The following PCM1 variants were observed in gnomAD, a reference collection of about 807,000 sequenced individuals.
The protein encoded by PCM1 is pericentriolar material 1 protein.
In PCM1, 157 loss-of-function variants were observed where a neutral mutation model predicts 241.9. The ratio of observed to expected loss-of-function variants is 0.65; its 90% CI spans 0.57 to 0.74. PCM1 has a LOEUF of 0.74. Ranked by LOEUF, PCM1 falls within the 30% of genes least tolerant of loss-of-function variation. PCM1 has a pLI of 0.00. For synonymous variants in PCM1, 1,085 were observed against 784.9 expected (o/e 1.38, Z -6.39); for missense variants, 3,478 against 2,360.1 (o/e 1.47, Z -9.81).
At position 17,993,559 on chromosome 8, in the gene PCM1, T is replaced by G. The variant is rs2085536846; in HGVS notation, c.4767T>G (p.Asp1589Glu). The G allele has an allele frequency of 6.3e-7, 1 of 1,598,296 alleles. No homozygotes were observed. The highest frequency in any genetic ancestry group is 8.5e-7 in the Non-Finnish European group (1 of 1,171,226). Residue 1589 changes from aspartate (D) to glutamate (E), a missense_variant, in exon 29 of 39, where the codon GAT (aspartate) becomes GAG (glutamate). Transcript: ENST00000325083. ...CTACCATCCCATGTCCTAGAATTGA[T>G]ACTCAGCAGCTGGACCGGCAAATTA... is the stretch of plus-strand genomic sequence containing the variant. ...EVSTIPCPRI[D>E]TQQLDRQIKA...
In PCM1 at chr8:17,993,645, C is replaced by T. The variant is rs201622305; in HGVS notation, c.4827+26C>T. On this transcript the variant is annotated intron_variant, in intron 29 of 38. Transcript: ENST00000325083. ...GTAAGCAATTATTTTAAAAAATAAA[C>T]GAAACCTTCTATGTTTTGTTTTTTA... 397 of 1,543,300 alleles carry T rather than the reference C, an allele frequency of 2.6e-4. 1 individual carries two copies. Among genetic ancestry groups the T allele is most frequent in the Middle Eastern group, 3.4e-4 (2 of 5,910 alleles).
chr8:18,006,335 C>A lies in PCM1; in HGVS notation c.4900C>A (p.Gln1634Lys). 1 of 1,612,794 alleles carries A rather than the reference C, an allele frequency of 6.2e-7. No individual in the cohort carries two copies. Among genetic ancestry groups the A allele is most frequent in the Non-Finnish European group, 8.5e-7 (1 of 1,179,074 alleles). ...VRRMVLTLTQQNDESKEFVKF... is the reference protein window; with the variant it reads ...VRRMVLTLTQKNDESKEFVKF... The stretch of plus-strand genomic sequence containing the variant: ...GCGCATGGTTTTGACCCTTACCCAG[C>A]AAAATGATGAGAGCAAAGAGTTTGT... The change falls in exon 30 of 39, where the codon CAA (glutamine) becomes AAA (lysine). Residue 1634 changes from glutamine to lysine, a missense_variant. Coordinates refer to ENST00000325083, the MANE Select transcript of PCM1 (RefSeq NM_006197.4).
intron 36 of PCM1, among the ~76,000 whole-genome samples, chr8:18,022,492 T>C (rs1481090487): frequency 1.3e-5 from 2 of 152,190 alleles, no homozygotes; most frequent in Non-Finnish European, 1.5e-5. Context: ...CACACACACT[T>C]GGGTGAGCAA....
chr8:17,974,343 T>A (rs1371692448), intron 23 of PCM1, among the ~76,000 whole-genome samples: 3 of 152,182 alleles, frequency 2.0e-5, no homozygotes, highest in Non-Finnish European at 4.4e-5. Context: ...ATGCTCTTTG[T>A]CATATAAATA....
intron 6 of PCM1, among the ~76,000 whole-genome samples, chr8:17,943,722 A>G (rs772613706): frequency 6.6e-6 from 1 of 152,020 alleles, no homozygotes; most frequent in Admixed American, 6.5e-5. Context: ...TAATTTCTTC[A>G]GGGGAAAAAA....
chr8:18,018,893 C>A (rs202053200), intron 36 of PCM1, among the ~76,000 whole-genome samples: 3 of 120,230 alleles, frequency 2.5e-5, no homozygotes, highest in Admixed American at 8.5e-5. Flanking sequence ...CACACATATA[C>A]ATACACATAT....
chr8:17,990,026 G>C, intron 27 of PCM1, 47 bp downstream of exon 27: 1 of 1,436,750 alleles, frequency 7.0e-7, no homozygotes, highest in African/African-American at 1.4e-5. Flanking sequence ...AAGTTGATCT[G>C]GTCCAGTCTT....
chr8:17,994,608 A>C (rs1004981360), intron 29 of PCM1, among the ~76,000 whole-genome samples: 1 of 152,202 alleles, frequency 6.6e-6, no homozygotes, highest in South Asian at 2.1e-4. Context: ...TTTTTGAGCA[A>C]CTTCCAAACT....
chr8:18,006,434 CTG>C, intron 30 of PCM1, 37 bp downstream of exon 30: 2 of 1,498,636 alleles, frequency 1.3e-6, no homozygotes, highest in Non-Finnish European at 1.8e-6. Context: ...CCAATATGTA[CTG>C]TGTGGTAAGG....
intron 9 of PCM1, among the ~76,000 whole-genome samples, chr8:17,954,487 C>T (rs1465815689): frequency 6.6e-6 from 1 of 151,846 alleles, no homozygotes; most frequent in Non-Finnish European, 1.5e-5. Context: ...CGCTTAAGTC[C>T]TTGTCGTCAG....
chr8:17,980,228 A>G (rs1186174582), intron 23 of PCM1: 2 of 160,542 alleles, frequency 1.2e-5, no homozygotes, highest in Non-Finnish European at 2.7e-5. Context: ...CTCTCCCTCT[A>G]TAATGGATAT....
Position 18,025,380 on chromosome 8 carries a change from T to C in PCM1, c.5861T>C (p.Ile1954Thr), listed in dbSNP as rs1344291773. ...TTACAGGAAGCAGAATCTGGTAATA[T>C]AAGTCAAAAGTCTGATGAAGAAGAT... ...VNDYEAESGN[I>T]SQKSDEEDFV... Residue 1954 changes from isoleucine (I) to threonine (T), a missense_variant, in exon 37 of 39, where the codon ATA becomes ACA. Physicochemically the swap from Ile to Thr is moderately conservative, Grantham distance 89. Transcript: ENST00000325083. 5 of 1,595,156 alleles carry C rather than the reference T, an allele frequency of 3.1e-6. No homozygotes were observed. The East Asian group carries it at 9.0e-5, about 29-fold the overall frequency.
At chr8:17,927,891 A>G (rs901910312) in intron 2 of PCM1, 12 of 151,198 alleles carry the variant, frequency 7.9e-5, no homozygotes, top group African/African-American at 2.9e-4. Flanking sequence ...AAAGTCATTG[A>G]AAGTAGCTTA....
chr8:18,013,332 C>G (rs1405812870), intron 34 of PCM1, among the ~76,000 whole-genome samples: 4 of 152,192 alleles, frequency 2.6e-5, no homozygotes, highest in African/African-American at 9.6e-5. Flanking sequence ...CCCACAATTA[C>G]TTCTACACCA....
rs371562773 is a variant in PCM1 at position 17,966,464 on chromosome 8, A to T, written c.3212A>T (p.Asn1071Ile). ...ACTCAGCTAACATGGCAACAGAATA[A>T]TGTTCAGAGGTAATCTGTTTCTTAG... ...CYTQLTWQQN[N>I]VQRLKQMLNE... is the part of the protein sequence containing the mutation. The change falls in exon 20 of 39, where the codon AAT becomes ATT. Residue 1071 changes from asparagine (N) to isoleucine (I), a missense_variant. Asn to Ile is a moderately radical substitution (Grantham distance 149). Coordinates refer to ENST00000325083, the MANE Select transcript of PCM1 (RefSeq NM_006197.4). 119 of 1,613,454 alleles carry T rather than the reference A, an allele frequency of 7.4e-5. No individual in the cohort carries two copies. Among genetic ancestry groups the T allele is most frequent in the Non-Finnish European group, 9.6e-5 (113 of 1,179,622 alleles).
chr8:17,994,338 T>C (rs1018175816), intron 29 of PCM1, among the ~76,000 whole-genome samples: 2 of 152,202 alleles, frequency 1.3e-5, no homozygotes, highest in Admixed American at 6.5e-5. Flanking sequence ...TCCAGTTCCA[T>C]CCATGTTGTT....
At position 17,967,124 on chromosome 8, in the gene PCM1, T is replaced by C. The variant is rs776627059; in HGVS notation, c.3366T>C (p.Asn1122=). Residue 1122 remains asparagine (N), a synonymous_variant, in exon 21 of 39, where the codon AAT becomes AAC. Transcript: ENST00000325083. Reference sequence around the variant, plus strand: ...TCAGCTTTCCAACACAGCCTGTAAATCTCTTCAATATACCTGGATTTACTA... The same window carrying C: ...TCAGCTTTCCAACACAGCCTGTAAACCTCTTCAATATACCTGGATTTACTA... ...CPFSFPTQPV[N]LFNIPGFTNF... 1.2e-5 allele frequency: 19 copies of C among 1,605,888 alleles called. No individual in the cohort carries two copies. The South Asian group carries it at 1.9e-4, about 16-fold the overall frequency.
chr8:17,942,429 A>C (rs1444098107), intron 6 of PCM1, among the ~76,000 whole-genome samples: 2 of 151,968 alleles, frequency 1.3e-5, no homozygotes, highest in Admixed American at 6.6e-5. Context: ...GCACTCCAGC[A>C]TGGGTGACAG....
At chr8:17,933,806 A>G (rs2059689253) in intron 2 of PCM1, among the ~76,000 whole-genome samples, 1 of 151,868 alleles carries the variant, frequency 6.6e-6, no homozygotes, top group African/African-American at 2.4e-5. Context: ...TGCTTGATAG[A>G]ATTTCTGAAA....
Sources: allele counts gnomAD v4.1 joint callset (sites outside exome capture counted in the v4.1 genomes callset), GRCh38; gene constraint gnomAD v4.1.1; transcripts MANE v1.5; gene names NCBI Gene and HGNC (gene_info 2026-07-23, HGNC 2026-07-21).